HLCS: variants seen among roughly 807,000 people sequenced by gnomAD.
The protein encoded by HLCS is biotin--protein ligase.
In HLCS, 53 loss-of-function variants were observed where a neutral mutation model predicts 75.0. That is an observed-to-expected ratio of 0.71 (90% confidence interval 0.57 to 0.89). The LOEUF (loss-of-function observed/expected upper bound fraction) is 0.89. Among genes scored for constraint, HLCS ranks in the 40% least tolerant of loss-of-function variants. HLCS has a pLI of 0.00. For synonymous variants in HLCS, 431 were observed against 428.6 expected (o/e 1.01, Z -0.07); for missense variants, 966 against 1,074.0 (o/e 0.90, Z 1.41).
At chr21:36,874,978 G>A (rs1035059111) in intron 6 of HLCS, among the ~76,000 whole-genome samples, 4 of 152,158 alleles carry the variant, frequency 2.6e-5, no homozygotes, top group Non-Finnish European at 5.9e-5. Context: ...AGCCAAGCGC[G>A]GGTGCTGTCA....
intron 1 of HLCS, 49 bp from the exon 2 acceptor site, chr21:36,962,219 C>A: frequency 8.1e-7 from 1 of 1,239,978 alleles, no homozygotes; most frequent in South Asian, 1.3e-5. Flanking sequence ...CATACCACAA[C>A]TGCCATAAAT....
chr21:36,843,218 A>G (rs2062674832), intron 6 of HLCS, among the ~76,000 whole-genome samples: 1 of 152,226 alleles, frequency 6.6e-6, no homozygotes, highest in Non-Finnish European at 1.5e-5. Context: ...GTAGGAGGAT[A>G]GCTTGAGTCC....
chr21:36,985,912 T>C (rs140017437), intron 1 of HLCS, among the ~76,000 whole-genome samples: 1 of 152,190 alleles, frequency 6.6e-6, no homozygotes, highest in Non-Finnish European at 1.5e-5. Context: ...TTTGTTCACA[T>C]GGTTAAGGTG....
At chr21:36,899,829 C>A (rs772812031) in intron 5 of HLCS, among the ~76,000 whole-genome samples, 5 of 152,066 alleles carry the variant, frequency 3.3e-5, no homozygotes, top group Non-Finnish European at 5.9e-5. Context: ...AAAGTCCGGG[C>A]GCAGTGGCTC....
At chr21:36,941,732 C>T (rs975984461) in intron 2 of HLCS, among the ~76,000 whole-genome samples, 17 of 152,092 alleles carry the variant, frequency 1.1e-4, no homozygotes, top group Admixed American at 6.6e-5. Flanking sequence ...TGGCTGGGCG[C>T]GGTGTCTCAC....
At chr21:36,767,328 C>T (rs765926070) in intron 6 of HLCS, 43 bp from the exon 7 acceptor site, 20 of 1,586,040 alleles carry the variant, frequency 1.3e-5, no homozygotes, top group African/African-American at 4.0e-5. Flanking sequence ...GACATGGACA[C>T]GCCCGCGGCA....
At chr21:36,850,191 A>G (rs2062942341) in intron 6 of HLCS, among the ~76,000 whole-genome samples, 1 of 152,242 alleles carries the variant, frequency 6.6e-6, no homozygotes, top group Non-Finnish European at 1.5e-5. Flanking sequence ...CTATAAATAC[A>G]TTAAAAGTGA....
At chr21:36,961,098 CG>C (rs1195323404) in intron 2 of HLCS, among the ~76,000 whole-genome samples, 1 of 152,160 alleles carries the variant, frequency 6.6e-6, no homozygotes, top group Non-Finnish European at 1.5e-5. Context: ...GAGGAAAAGC[CG>C]GCTGGCGTGT....
At position 36,871,653 on chromosome 21, in the gene HLCS, G is replaced by T. The variant is rs951213651; in HGVS notation, c.1892+25207C>A. On this transcript the variant is annotated intron_variant, in intron 6 of 10. Coordinates refer to ENST00000674895, the MANE Select transcript of HLCS (RefSeq NM_001352514.2). ...AAAAATATTGACACTTTACCACAAG[G>T]TTGGAATTTAGCATGAACATCCACA... is the stretch of plus-strand genomic sequence containing the variant. Among the ~76,000 whole-genome samples the T allele has an allele frequency of 6.6e-4, 100 of 152,046 alleles. 1 individual carries two copies. Among genetic ancestry groups the T allele is most frequent in the African/African-American group, 2.2e-3 (92 of 41,470 alleles).
chr21:36,940,334 T>G (rs2067087025), intron 2 of HLCS, among the ~76,000 whole-genome samples: 1 of 152,186 alleles, frequency 6.6e-6, no homozygotes, highest in African/African-American at 2.4e-5. Context: ...TATTCCATTT[T>G]TATTTATTTG....
intron 6 of HLCS, among the ~76,000 whole-genome samples, chr21:36,815,493 AG>A (rs1291304551): frequency 1.3e-5 from 2 of 152,262 alleles, no homozygotes; most frequent in Non-Finnish European, 2.9e-5. Flanking sequence ...CAGCAAAAGC[AG>A]CAAACAGTTT....
chr21:36,835,698 AG>A (rs1265247769), intron 6 of HLCS, among the ~76,000 whole-genome samples: 50 of 152,280 alleles, frequency 3.3e-4, no homozygotes, highest in African/African-American at 1.2e-3. Flanking sequence ...CTGTCACAGG[AG>A]TAAGATGCTG....
chr21:36,931,697 C>A (rs531037738), intron 4 of HLCS, among the ~76,000 whole-genome samples: 12 of 151,064 alleles, frequency 7.9e-5, no homozygotes, highest in Non-Finnish European at 1.2e-4. Flanking sequence ...TGCAGTCAGC[C>A]ATGATCGTGC....
Position 36,749,021 on chromosome 21 carries a change from T to C in HLCS, c.*5225A>G, listed in dbSNP as rs903668217. Reference sequence around the variant, plus strand: ...AACACTGTCAATGGACTGCACCTTGTGAAGGAAAAACATGCTTAAGGGGGT... The same window carrying C: ...AACACTGTCAATGGACTGCACCTTGCGAAGGAAAAACATGCTTAAGGGGGT... On this transcript the variant is annotated 3_prime_UTR_variant, in exon 11 of 11. Coordinates refer to ENST00000674895, the MANE Select transcript of HLCS (RefSeq NM_001352514.2). The C allele has an allele frequency of 4.6e-5, 7 of 152,588 alleles. No homozygotes were observed. Among genetic ancestry groups the C allele is most frequent in the African/African-American group, 1.4e-4 (6 of 41,448 alleles). The allele number at this position is 152,588 out of a possible 1,614,324, so 9.5% of individuals were successfully genotyped here.
At chr21:36,950,960 C>T (rs1409415648) in intron 2 of HLCS, among the ~76,000 whole-genome samples, 3 of 152,184 alleles carry the variant, frequency 2.0e-5, no homozygotes, top group African/African-American at 7.2e-5. Context: ...ACACCATTGG[C>T]AGGGAAGGCT....
chr21:36,898,097 C>T (rs1467062005), intron 5 of HLCS, among the ~76,000 whole-genome samples: 1 of 152,148 alleles, frequency 6.6e-6, no homozygotes, highest in African/African-American at 2.4e-5. Context: ...TTAAAACTCA[C>T]ATCTAGTTTG....
intron 6 of HLCS, among the ~76,000 whole-genome samples, chr21:36,873,261 G>A (rs933288295): frequency 6.6e-6 from 1 of 152,132 alleles, no homozygotes; most frequent in East Asian, 1.9e-4. Flanking sequence ...GGGACTACAG[G>A]CGTGTACCAC....
chr21:36,750,473 C>T lies in HLCS; in HGVS notation c.*3773G>A, dbSNP rs943927662. On this transcript the variant is annotated 3_prime_UTR_variant, in exon 11 of 11. Transcript: ENST00000674895. ...ATCTGCAAGAGCCTGTATTTTCCGC[C>T]TCCCTTGCCCCCACTCCTTTTATCC... Among the ~76,000 whole-genome samples, 1 of 152,170 alleles carries T rather than the reference C, an allele frequency of 6.6e-6. No homozygotes were observed.
chr21:36,922,672 C>CTCCT (rs2066224960), intron 5 of HLCS, among the ~76,000 whole-genome samples: 2 of 152,294 alleles, frequency 1.3e-5, no homozygotes, highest in South Asian at 2.1e-4. Flanking sequence ...CCTGGTGCTG[C>CTCCT]CCAGCATCGG....
Sources: allele counts gnomAD v4.1 joint callset (sites outside exome capture counted in the v4.1 genomes callset), GRCh38; gene constraint gnomAD v4.1.1; transcripts MANE v1.5; gene names NCBI Gene and HGNC (gene_info 2026-07-23, HGNC 2026-07-21).